The following WASL variants were observed in gnomAD, a reference collection of about 807,000 sequenced individuals.
The protein encoded by WASL is WASP like actin nucleation promoting factor, also known as actin nucleation-promoting factor WASL.
Under a neutral mutation model 55.5 loss-of-function variants are expected in WASL, and 20 were observed. The observed-to-expected ratio is 0.36, with a 90% CI of 0.25 to 0.52. The LOEUF (loss-of-function observed/expected upper bound fraction) is 0.52, where lower values mean the gene tolerates loss of function less well. WASL is among the 20% of genes least tolerant of loss of function. WASL has a pLI of 0.92. For missense variants in WASL, 504 were observed against 622.5 expected (o/e 0.81, Z 2.03); for synonymous variants, 249 against 217.6 (o/e 1.14, Z -1.27).
At chr7:123,707,992 G>C (rs1223540123) in intron 2 of WASL, among the ~76,000 whole-genome samples, 1 of 152,086 alleles carries the variant, frequency 6.6e-6, no homozygotes, top group Non-Finnish European at 1.5e-5. Context: ...TTGAATCCAG[G>C]CTGGGCAAAA....
rs1562957496 is a variant in WASL at position 123,692,812 on chromosome 7, T to TGGAGGG, written c.876_881dup (p.Pro293_Pro294dup). On this transcript the variant is annotated inframe_insertion, in exon 9 of 11. Transcript: ENST00000223023. ...GAGGAGGAGGAGGACCTGAGTTGTG[T>TGGAGGG]GGAGGGGGAGGAGGAGGAGGTGGCC... is the stretch of plus-strand genomic sequence containing the variant. The TGGAGGG allele has an allele frequency of 7.0e-7, 1 of 1,420,920 alleles. No homozygotes were observed. The highest frequency in any genetic ancestry group is 1.5e-5 in the African/African-American group (1 of 68,930). 88.0% of individuals were successfully genotyped at this position (1,420,920 alleles called of 1,614,324 possible).
At chr7:123,728,869 A>G (rs1804096243) in intron 1 of WASL, among the ~76,000 whole-genome samples, 1 of 152,182 alleles carries the variant, frequency 6.6e-6, no homozygotes, top group Admixed American at 6.5e-5. Context: ...CTCAAAAAAC[A>G]AAACAAAACA....
In WASL at chr7:123,723,105, T is replaced by C. The variant is rs114160036; in HGVS notation, c.118-13882A>G. On this transcript the variant is annotated intron_variant, in intron 1 of 10. Transcript: ENST00000223023. ...ATTTAGTTAATACATGTAAAGTTCC[T>C]TATTATAGGGTTAATACACATAAAG... 4.5e-3 allele frequency among the ~76,000 whole-genome samples: 690 copies of C among 152,328 alleles called. 6 individuals carry two copies. The highest frequency in any genetic ancestry group is 0.015 in the African/African-American group (611 of 41,582).
intron 1 of WASL, among the ~76,000 whole-genome samples, chr7:123,729,383 T>C: frequency 6.6e-6 from 1 of 152,200 alleles, no homozygotes; most frequent in East Asian, 1.9e-4. Context: ...AGTACCATAC[T>C]GGACAGTGAA....
Position 123,684,716 on chromosome 7 carries a change from G to C in WASL, c.1457-136C>G, listed in dbSNP as rs1584852852. 9 of 783,376 alleles carry C rather than the reference G, an allele frequency of 1.1e-5. No homozygotes were observed. In the East Asian group the frequency reaches 2.0e-4, roughly 18 times the overall value. 48.5% of individuals were successfully genotyped at this position (783,376 alleles called of 1,614,324 possible). A position where few individuals can be genotyped will look rare whatever the true frequency, so the allele number is the denominator to read the frequency against. Reference sequence around the variant, plus strand: ...CCAGAAGAATCTAGTTACTAAAACAGTTTAAAGTGAATCTAAAGAAATATA... The same window carrying C: ...CCAGAAGAATCTAGTTACTAAAACACTTTAAAGTGAATCTAAAGAAATATA... On this transcript the variant is annotated intron_variant, in intron 10 of 10. Coordinates refer to ENST00000223023, the MANE Select transcript of WASL (RefSeq NM_003941.4).
intron 5 of WASL, among the ~76,000 whole-genome samples, chr7:123,700,824 CTTT>C (rs1333358962): frequency 5.3e-5 from 8 of 152,188 alleles, no homozygotes; most frequent in African/African-American, 1.9e-4. Flanking sequence ...ATAATACATT[CTTT>C]GTTTGCCAAT....
chr7:123,720,398 ACT>A (rs1373376615), intron 1 of WASL: 1 of 435,660 alleles, frequency 2.3e-6, no homozygotes, highest in Non-Finnish European at 4.5e-6. Flanking sequence ...AACAAGATAC[ACT>A]GTTATCTGAA....
At position 123,747,455 on chromosome 7, in the gene WASL, G is replaced by A. The variant is rs925976374; in HGVS notation, c.117+1163C>T. ...CCAACCGGATGGCACAAGATACAAA[G>A]GGTGGACTCCTATGAAGTTAACAAT... On this transcript the variant is annotated intron_variant, in intron 1 of 10. Transcript: ENST00000223023. Among the ~76,000 whole-genome samples the A allele has an allele frequency of 2.6e-5, 4 of 152,276 alleles. No individual in the cohort carries two copies. In the East Asian group the frequency reaches 7.7e-4, roughly 29 times the overall value.
Position 123,696,767 on chromosome 7 carries a change from A to G in WASL, c.461-20T>C. 1 of 1,456,980 alleles carries G rather than the reference A, an allele frequency of 6.9e-7. No homozygotes were observed. The highest frequency in any genetic ancestry group is 9.1e-7 in the Non-Finnish European group (1 of 1,098,606). 90.3% of individuals were successfully genotyped at this position (1,456,980 alleles called of 1,614,324 possible). On this transcript the variant is annotated intron_variant, in intron 5 of 10. Coordinates refer to ENST00000223023, the MANE Select transcript of WASL (RefSeq NM_003941.4). The stretch of plus-strand genomic sequence containing the variant: ...TAGGACCTGCAAATAAAACCAAATT[A>G]TATAAAAGGGATATAATTTAAGATA...
chr7:123,733,189 AT>A (rs1804169894), intron 1 of WASL, among the ~76,000 whole-genome samples: 1 of 152,220 alleles, frequency 6.6e-6, no homozygotes. Context: ...CGGTATACAG[AT>A]TGAGAAGGAA....
chr7:123,740,801 G>A (rs1251285994), intron 1 of WASL, among the ~76,000 whole-genome samples: 1 of 152,046 alleles, frequency 6.6e-6, no homozygotes, highest in African/African-American at 2.4e-5. Flanking sequence ...GCCCACGCTG[G>A]TGGCAAACTA....
rs545504574 is a variant in WASL, at chr7:123,726,243, A to G, written c.118-17020T>C. Among the ~76,000 whole-genome samples, 11 of 152,332 alleles carry G rather than the reference A, an allele frequency of 7.2e-5. 1 individual carries two copies. The South Asian group carries it at 2.3e-3, about 32-fold the overall frequency. On this transcript the variant is annotated intron_variant, in intron 1 of 10. Transcript: ENST00000223023. ...ATTAAAAAGGGTTCCAAGTCAATTCAATGACAAAAGATAAGGCTTTTTTAC... is the reference window on the plus strand; with the variant it reads ...ATTAAAAAGGGTTCCAAGTCAATTCGATGACAAAAGATAAGGCTTTTTTAC...
intron 1 of WASL, among the ~76,000 whole-genome samples, chr7:123,714,287 A>G (rs1006859027): frequency 6.6e-6 from 1 of 152,168 alleles, no homozygotes; most frequent in Non-Finnish European, 1.5e-5. Flanking sequence ...AAACACAAAA[A>G]TTCACTTTGG....
At position 123,709,149 on chromosome 7, in the gene WASL, A is replaced by T. The variant is rs1803717759; in HGVS notation, c.192T>A (p.Val64=). 1 of 1,613,144 alleles carries T rather than the reference A, an allele frequency of 6.2e-7. No homozygotes were observed. Among genetic ancestry groups the T allele is most frequent in the Non-Finnish European group, 8.5e-7 (1 of 1,179,360 alleles). Residue 64 remains valine, a synonymous_variant, in exon 2 of 11, where the codon GTT becomes GTA. Coordinates refer to ENST00000223023, the MANE Select transcript of WASL (RefSeq NM_003941.4). ...GTGGATTGTCCTTAACAAGACAAGC[A>T]ACACCACTGCACTTCTTTGACCACA... ...NCMWSKKCSG[V]ACLVKDNPQR...
Position 123,720,673 on chromosome 7 carries a change from T to C in WASL, c.118-11450A>G, listed in dbSNP as rs369274839. On this transcript the variant is annotated intron_variant, in intron 1 of 10. Coordinates refer to ENST00000223023, the MANE Select transcript of WASL (RefSeq NM_003941.4). ...GGATTTTTTTTTTTTTTTTTTGAGA[T>C]GGAGTCTCATTCTCTCGCCCAGGCT... 6.2e-3 allele frequency among the ~76,000 whole-genome samples: 918 copies of C among 147,606 alleles called. 9 individuals carry two copies. The highest frequency in any genetic ancestry group is 0.021 in the African/African-American group (852 of 39,996).
intron 2 of WASL, among the ~76,000 whole-genome samples, chr7:123,707,732 A>G (rs1803693845): frequency 1.3e-5 from 2 of 152,202 alleles, no homozygotes; most frequent in Non-Finnish European, 1.5e-5. Context: ...GTTATGAGAA[A>G]TATGTCAAAG....
At chr7:123,739,871 T>G (rs1804300675) in intron 1 of WASL, among the ~76,000 whole-genome samples, 1 of 92,036 alleles carries the variant, frequency 1.1e-5, no homozygotes, top group Admixed American at 1.3e-4. Context: ...TTTATACATT[T>G]ATATATGTGT....
Position 123,692,356 on chromosome 7 carries a change from T to C in WASL, c.1338A>G (p.Gln446=), listed in dbSNP as rs1803423358. The change falls in exon 9 of 11, where the codon CAA becomes CAG. Residue 446 remains glutamine (Q), a synonymous_variant. Transcript: ENST00000223023. ...AAAAAAGCTTACTTACAGATTTTAG[T>C]TGGATACCCTGTCGTATCTGGTCTA... ...ALLDQIRQGI[Q]LKSVADGQES... is the part of the protein sequence containing the mutation. 2 of 1,607,364 alleles carry C rather than the reference T, an allele frequency of 1.2e-6. No homozygotes were observed. Among genetic ancestry groups the C allele is most frequent in the Non-Finnish European group, 1.7e-6 (2 of 1,178,352 alleles).
intron 10 of WASL, among the ~76,000 whole-genome samples, chr7:123,688,112 C>T (rs939847146): frequency 1.3e-5 from 2 of 152,150 alleles, no homozygotes; most frequent in Admixed American, 6.5e-5. Flanking sequence ...ACCTCAACTA[C>T]TCCAATCAGC....
Sources: allele counts gnomAD v4.1 joint callset (sites outside exome capture counted in the v4.1 genomes callset), GRCh38; gene constraint gnomAD v4.1.1; transcripts MANE v1.5; gene names NCBI Gene and HGNC (gene_info 2026-07-23, HGNC 2026-07-21).